POC1B: variants seen among roughly 807,000 people sequenced by gnomAD.
POC1B encodes POC1 centriolar protein homolog B.
A neutral mutation model predicts 60.6 loss-of-function variants in POC1B; 44 were observed. The observed-to-expected ratio is 0.73, with a 90% confidence interval of 0.57 to 0.93. POC1B has a LOEUF of 0.93. Among genes scored for constraint, POC1B ranks in the 40% least tolerant of loss-of-function variants. POC1B has a pLI of 0.00. For synonymous variants in POC1B, 180 were observed against 198.9 expected (o/e 0.90, Z 0.80); for missense variants, 555 against 572.3 (o/e 0.97, Z 0.31).
intron 2 of POC1B, chr12:89,521,320 G>T (rs903001682): frequency 1.3e-5 from 2 of 152,106 alleles, no homozygotes; most frequent in Non-Finnish European, 2.9e-5. Context: ...AGCCAGGATG[G>T]TCTGGATCTC....
intron 2 of POC1B, chr12:89,524,689 C>A: frequency 1.2e-6 from 1 of 868,374 alleles, no homozygotes; most frequent in Non-Finnish European, 1.8e-6. Flanking sequence ...TTCCAGCCAC[C>A]CAGGCTTTCC....
intron 10 of POC1B, among the ~76,000 whole-genome samples, chr12:89,458,325 C>A (rs537425563): frequency 2.4e-4 from 37 of 152,292 alleles, no homozygotes; most frequent in Non-Finnish European, 4.3e-4. Flanking sequence ...ATAAGCCAAG[C>A]ACTGTGGCAA....
At chr12:89,415,833 A>G (rs1424940756), downstream of POC1B, among the ~76,000 whole-genome samples, 1 of 152,104 alleles carries the variant, frequency 6.6e-6, no homozygotes, top group Non-Finnish European at 1.5e-5. Context: ...AAAATGGCAT[A>G]GCCAGAATTT....
chr12:89,461,175 C>G (rs1882469909), intron 9 of POC1B: 2 of 151,872 alleles, frequency 1.3e-5, no homozygotes, highest in Non-Finnish European at 2.9e-5. Context: ...TGTTTTAAGA[C>G]AGTTTACGAA....
At chr12:89,419,319 AAAAT>A (rs763273463), downstream of POC1B, among the ~76,000 whole-genome samples, 7 of 152,150 alleles carry the variant, frequency 4.6e-5, no homozygotes, top group African/African-American at 1.4e-4. Flanking sequence ...TCAAATGCTA[AAAAT>A]AAATAAATAA....
Position 89,466,822 on chromosome 12 carries a change from T to C in POC1B, c.980A>G (p.Asp327Gly). 1 of 1,612,984 alleles carries C rather than the reference T, an allele frequency of 6.2e-7. No individual in the cohort carries two copies. The highest frequency in any genetic ancestry group is 8.5e-7 in the Non-Finnish European group (1 of 1,179,166). The change falls in exon 9 of 12, where the codon GAT (aspartate) becomes GGT (glycine). Residue 327 changes from aspartate to glycine, a missense_variant. Physicochemically the swap from Asp to Gly is moderately conservative, Grantham distance 94. Coordinates refer to ENST00000313546, the MANE Select transcript of POC1B (RefSeq NM_172240.3). ...LHFDSPPHLL[D>G]IYPRTPHPHE... is the part of the protein sequence containing the mutation. ...GGGATGTGGTGTTCTTGGGTAGATA[T>C]CAAGAAGATGTGGTGGTGAATCAAA...
chr12:89,405,917 C>T, the POC1B span, among the ~76,000 whole-genome samples: 1 of 151,190 alleles, frequency 6.6e-6, no homozygotes, highest in Non-Finnish European at 1.5e-5. Context: ...TATGACTGTG[C>T]CACTGCACTC....
intron 4 of POC1B, 88 bp from the exon 5 acceptor site, chr12:89,472,363 A>C: frequency 1.2e-6 from 1 of 812,522 alleles, no homozygotes; most frequent in Non-Finnish European, 2.0e-6. Context: ...ACCAGGCTGT[A>C]AATATTAAAT....
At chr12:89,502,584 C>A in intron 2 of POC1B, 2 of 1,222,288 alleles carry the variant, frequency 1.6e-6, no homozygotes, top group Admixed American at 3.8e-5. Flanking sequence ...TTGCAGCCAG[C>A]AATGGTAAAG....
At chr12:89,408,461 A>T in the POC1B span, among the ~76,000 whole-genome samples, 1 of 150,520 alleles carries the variant, frequency 6.6e-6, no homozygotes. Context: ...CAACTGCTCC[A>T]GCATGTGTTG....
intron 7 of POC1B, among the ~76,000 whole-genome samples, chr12:89,468,005 A>T (rs1166036386): frequency 1.3e-5 from 2 of 152,144 alleles, no homozygotes; most frequent in Non-Finnish European, 2.9e-5. Context: ...CTGGCTTTGG[A>T]CTCTGTATTC....
chr12:89,502,253 G>A lies in POC1B; in HGVS notation c.101-4911C>T, dbSNP rs1030902083. ...CCTGGAAGTTCAGATGACTCAAAAC[G>A]AACTAAAGTGATACCAAAGAACAGA... On this transcript the variant is annotated intron_variant, in intron 2 of 11. Transcript: ENST00000313546. 1.1e-5 allele frequency: 16 copies of A among 1,448,162 alleles called. No individual in the cohort carries two copies. In the African/African-American group the frequency reaches 1.5e-4, roughly 14 times the overall value. 89.7% of individuals were successfully genotyped at this position (1,448,162 alleles called of 1,614,324 possible). A position where few individuals can be genotyped will look rare whatever the true frequency, so the allele number is the denominator to read the frequency against.
chr12:89,417,795 T>A (rs1327553941), downstream of POC1B, among the ~76,000 whole-genome samples: 1 of 152,180 alleles, frequency 6.6e-6, no homozygotes, highest in Admixed American at 6.5e-5. Context: ...TTTTCCCCTA[T>A]CACAGATATC....
At chr12:89,476,162 C>T (rs1315988600) in intron 4 of POC1B, among the ~76,000 whole-genome samples, 1 of 151,992 alleles carries the variant, frequency 6.6e-6, no homozygotes, top group African/African-American at 2.4e-5. Flanking sequence ...CTGCCTTCAC[C>T]TCCCAAAGTG....
chr12:89,516,871 C>CT (rs1870465419), intron 2 of POC1B, among the ~76,000 whole-genome samples: 1 of 152,150 alleles, frequency 6.6e-6, no homozygotes, highest in African/African-American at 2.4e-5. Flanking sequence ...GTGGCCTCCT[C>CT]TTATGTCCTC....
intron 10 of POC1B, among the ~76,000 whole-genome samples, chr12:89,456,006 TTTG>T (rs57046085): frequency 0.015 from 2,153 of 148,292 alleles, 26 homozygotes; most frequent in African/African-American, 0.036. Flanking sequence ...AAAACTCTTT[TTTG>T]TTGTTGTTGT....
chr12:89,406,158 A>G, the POC1B span, among the ~76,000 whole-genome samples: 1 of 152,120 alleles, frequency 6.6e-6, no homozygotes, highest in African/African-American at 2.4e-5. Context: ...GCTGAGTTGC[A>G]AAGGAGGCAG....
chr12:89,523,105 C>T, intron 2 of POC1B: 2 of 1,613,880 alleles, frequency 1.2e-6, no homozygotes, highest in Non-Finnish European at 1.7e-6. Flanking sequence ...GAATTGATTG[C>T]CTCCTTGACC....
chr12:89,470,517 A>G, intron 6 of POC1B, 23 bp from the exon 7 acceptor site: 2 of 1,557,858 alleles, frequency 1.3e-6, no homozygotes, highest in Non-Finnish European at 1.8e-6. Flanking sequence ...AAATAAAAGC[A>G]AAAAGTTCAG....
Sources: gnomAD v4.1 joint callset for allele counts (sites outside exome capture counted in the v4.1 genomes callset) on GRCh38, gnomAD v4.1.1 for gene constraint, MANE v1.5 for transcripts, NCBI Gene and HGNC (gene_info 2026-07-23, HGNC 2026-07-21) for gene names.